The following CSMD3 variants were observed in gnomAD, a reference collection of about 807,000 sequenced individuals.
The protein encoded by CSMD3 is CUB and Sushi multiple domains 3, also known as CUB and sushi domain-containing protein 3.
CSMD3 carries 177 observed loss-of-function variants against 435.2 expected under a neutral mutation model. That is an observed-to-expected ratio of 0.41 (90% confidence interval 0.36 to 0.46). The LOEUF is 0.46. Ranked by LOEUF, CSMD3 falls within the 20% of genes least tolerant of loss-of-function variation. The pLI, the probability that CSMD3 is intolerant of heterozygous loss-of-function variation, is 0.34. For missense variants in CSMD3, 4,265 were observed against 4,504.6 expected, an observed-to-expected ratio of 0.95 and a Z score of 1.52; for synonymous variants, 1,656 against 1,520.5, an observed-to-expected ratio of 1.09 and a Z score of -2.07.
chr8:112,241,489 G>A (rs1814138319), intron 66 of CSMD3, among the ~76,000 whole-genome samples: 1 of 151,924 alleles, frequency 6.6e-6, no homozygotes, highest in South Asian at 2.1e-4. Flanking sequence ...TACTCTTCAA[G>A]GGAAATTTTA....
intron 5 of CSMD3, among the ~76,000 whole-genome samples, chr8:113,041,270 T>G: frequency 6.7e-6 from 1 of 149,954 alleles, no homozygotes; most frequent in African/African-American, 2.5e-5. Context: ...AACAATGGAA[T>G]GTGTGGGTCC....
At chr8:112,281,034 A>G (rs1041458530) in intron 59 of CSMD3, 140 bp downstream of exon 59, 38 of 688,318 alleles carry the variant, frequency 5.5e-5, no homozygotes, top group Non-Finnish European at 8.3e-5. Flanking sequence ...GGTAACTACT[A>G]TAATCCTTTA....
chr8:112,784,985 TTG>T (rs2078499979), intron 13 of CSMD3, among the ~76,000 whole-genome samples: 1 of 151,924 alleles, frequency 6.6e-6, no homozygotes, highest in African/African-American at 2.4e-5. Flanking sequence ...GCCAATATGT[TTG>T]ATGAACATTG....
chr8:112,298,594 C>T (rs1820573548), intron 53 of CSMD3, among the ~76,000 whole-genome samples: 1 of 151,920 alleles, frequency 6.6e-6, no homozygotes, highest in South Asian at 2.1e-4. Flanking sequence ...ATGATGAAGG[C>T]CTTGTAACAA....
intron 22 of CSMD3, among the ~76,000 whole-genome samples, chr8:112,626,872 T>C (rs370278355): frequency 2.6e-5 from 4 of 152,256 alleles, no homozygotes; most frequent in East Asian, 1.9e-4. Flanking sequence ...TTACGACTTA[T>C]AGCAAAAAAT....
chr8:112,789,097 A>G (rs1249868221), intron 13 of CSMD3, among the ~76,000 whole-genome samples: 1 of 152,140 alleles, frequency 6.6e-6, no homozygotes. Flanking sequence ...AAAATTATAT[A>G]AAGAGACATC....
intron 32 of CSMD3, among the ~76,000 whole-genome samples, chr8:112,439,382 G>T (rs1814730298): frequency 6.6e-6 from 1 of 151,976 alleles, no homozygotes; most frequent in Non-Finnish European, 1.5e-5. Flanking sequence ...CTCATGATCT[G>T]CCTGCCTTGG....
Position 112,352,447 on chromosome 8 carries a change from G to A in CSMD3, c.6224C>T (p.Ser2075Phe), listed in dbSNP as rs1563829111. Reference protein sequence around the residue: ...GDRYMVGDVVSFQCDQGYSLQ... With the variant: ...GDRYMVGDVVFFQCDQGYSLQ... ...AGAATATCCTTGATCACACTGAAAG[G>A]ATACTACATCTCCAACCATATATCT... is the stretch of plus-strand genomic sequence containing the variant. Residue 2075 changes from serine to phenylalanine, a missense_variant, in exon 39 of 71, where the codon TCC (serine) becomes TTC (phenylalanine). Transcript: ENST00000297405. 1 of 1,613,504 alleles carries A rather than the reference G, an allele frequency of 6.2e-7. No individual in the cohort carries two copies. Among genetic ancestry groups the A allele is most frequent in the East Asian group, 2.2e-5 (1 of 44,766 alleles).
chr8:112,258,600 T>C (rs1046657352), intron 61 of CSMD3, among the ~76,000 whole-genome samples: 1 of 152,140 alleles, frequency 6.6e-6, no homozygotes, highest in Non-Finnish European at 1.5e-5. Flanking sequence ...CCAGTTAGAA[T>C]GGTGATCATT....
intron 24 of CSMD3, among the ~76,000 whole-genome samples, chr8:112,559,008 A>T (rs1235294625): frequency 1.3e-5 from 2 of 151,838 alleles, no homozygotes; most frequent in African/African-American, 4.8e-5. Context: ...CACAGGAAAA[A>T]AAATAGAGGC....
chr8:112,833,290 C>CT (rs2079928951), intron 11 of CSMD3, among the ~76,000 whole-genome samples: 1 of 151,912 alleles, frequency 6.6e-6, no homozygotes, highest in Non-Finnish European at 1.5e-5. Context: ...ACAAGCCTGA[C>CT]TTCTCTCTTC....
rs185634198 is a variant in CSMD3, at chr8:112,636,871, T to C, written c.3661A>G (p.Ile1221Val). The change falls in exon 22 of 71, where the codon ATC (isoleucine) becomes GTC (valine). Residue 1221 changes from isoleucine to valine, a missense_variant. Transcript: ENST00000297405. Reference protein sequence around the residue: ...GYRLEGTSEIICLGGGRRVWS... With the variant: ...GYRLEGTSEIVCLGGGRRVWS... ...ACTCGTCGGCCACCACCAAGACAGA[T>C]GATCTCTGATGTTCCTTCCAGTCGA... 2.5e-6 allele frequency: 4 copies of C among 1,612,046 alleles called. No individual in the cohort carries two copies. In the African/African-American group the frequency reaches 5.4e-5, roughly 22 times the overall value.
chr8:113,205,860 C>T (rs1288677072), intron 3 of CSMD3, among the ~76,000 whole-genome samples: 1 of 152,078 alleles, frequency 6.6e-6, no homozygotes, highest in Admixed American at 6.6e-5. Flanking sequence ...TACAAGTAGA[C>T]TTTACTCTCA....
intron 1 of CSMD3, among the ~76,000 whole-genome samples, chr8:113,392,931 C>G (rs769778739): frequency 7.0e-6 from 1 of 143,418 alleles, no homozygotes; most frequent in Non-Finnish European, 1.5e-5. Flanking sequence ...ATACTCTTCT[C>G]TCTGCATGTG....
rs532374667 is a variant in CSMD3, at chr8:112,474,547, A to G, written c.5279-1840T>C. ...AAAAGTGGAGTGATTCCCATTAGATATCAGTAGTGGCTTACCTCTGTGACT... is the reference window on the plus strand; with the variant it reads ...AAAAGTGGAGTGATTCCCATTAGATGTCAGTAGTGGCTTACCTCTGTGACT... On this transcript the variant is annotated intron_variant, in intron 31 of 70. Transcript: ENST00000297405. 5.3e-5 allele frequency among the ~76,000 whole-genome samples: 8 copies of G among 152,284 alleles called. No homozygotes were observed. The South Asian group carries it at 1.4e-3, about 28-fold the overall frequency.
At chr8:112,497,224 G>A (rs1225946229) in intron 30 of CSMD3, among the ~76,000 whole-genome samples, 1 of 152,046 alleles carries the variant, frequency 6.6e-6, no homozygotes, top group Admixed American at 6.5e-5. Flanking sequence ...AAGAGTAAGG[G>A]GTGGGAAGTG....
intron 22 of CSMD3, among the ~76,000 whole-genome samples, chr8:112,625,718 T>G (rs1016355025): frequency 6.6e-6 from 1 of 152,098 alleles, no homozygotes; most frequent in Non-Finnish European, 1.5e-5. Flanking sequence ...TACACAGATG[T>G]AGAAAAATGG....
In CSMD3 at chr8:113,296,291, T is replaced by TATAATAATAATAATA. The variant is rs4027872; in HGVS notation, c.402-17602_402-17588dup. Among the ~76,000 whole-genome samples the TATAATAATAATAATA allele has an allele frequency of 7.6e-3, 1,112 of 146,242 alleles. 11 individuals carry two copies. The highest frequency in any genetic ancestry group is 0.034 in the East Asian group (168 of 4,952). On this transcript the variant is annotated intron_variant, in intron 2 of 70. Coordinates refer to ENST00000297405, the MANE Select transcript of CSMD3 (RefSeq NM_198123.2). ...TGCACATGTACCCTAGAACTTAAAG[T>TATAATAATAATAATA]ATAATAATAATAATAATAATAATAA...
rs185273547 is a variant in CSMD3 at position 112,581,286 on chromosome 8, C to T, written c.3885+5780G>A. The stretch of plus-strand genomic sequence containing the variant: ...GATTTGAACCTAGGTTTACCTGTCC[C>T]TAAAGCCCATTCTTAATGACAAAAT... On this transcript the variant is annotated intron_variant, in intron 23 of 70. Coordinates refer to ENST00000297405, the MANE Select transcript of CSMD3 (RefSeq NM_198123.2). Among the ~76,000 whole-genome samples, 613 of 151,900 alleles carry T rather than the reference C, an allele frequency of 4.0e-3. 4 individuals are homozygous for T. Among genetic ancestry groups the T allele is most frequent in the African/African-American group, 0.013 (531 of 41,438 alleles).
Sources: allele counts gnomAD v4.1 joint callset (sites outside exome capture counted in the v4.1 genomes callset), GRCh38; gene constraint gnomAD v4.1.1; transcripts MANE v1.5; gene names NCBI Gene and HGNC (gene_info 2026-07-23, HGNC 2026-07-21).